Variants in TSNARE1 observed in about 807,000 individuals in gnomAD.
TSNARE1 encodes the protein t-SNARE domain-containing protein 1.
A neutral mutation model predicts 62.0 loss-of-function variants in TSNARE1; 49 were observed. That is an observed-to-expected ratio of 0.79 (90% CI 0.63 to 1.00). The LOEUF (loss-of-function observed/expected upper bound fraction) is 1.00, where lower values mean the gene tolerates loss of function less well. TSNARE1 is among the 50% of genes least tolerant of loss of function. The pLI is 0.00. For missense variants in TSNARE1, 755 were observed against 700.1 expected (o/e 1.08, Z -0.88); for synonymous variants, 328 against 294.4 (o/e 1.11, Z -1.17).
intron 2 of TSNARE1, among the ~76,000 whole-genome samples, chr8:142,351,440 A>G (rs1834080487): frequency 6.6e-6 from 1 of 152,230 alleles, no homozygotes; most frequent in South Asian, 2.1e-4. Flanking sequence ...AGATCTTTAC[A>G]GAGAAAGTTA....
chr8:142,384,017 A>G (rs1435366154), intron 1 of TSNARE1, among the ~76,000 whole-genome samples: 4 of 152,214 alleles, frequency 2.6e-5, no homozygotes, highest in Non-Finnish European at 4.4e-5. Flanking sequence ...GGTGCAGTGC[A>G]GCACCTGCAG....
intron 12 of TSNARE1, among the ~76,000 whole-genome samples, chr8:142,262,898 T>C (rs1056569107): frequency 6.6e-6 from 1 of 152,228 alleles, no homozygotes; most frequent in East Asian, 1.9e-4. Context: ...AACACACTTA[T>C]TGACTATGTA....
At chr8:142,401,847 G>C (rs1421196535) in intron 1 of TSNARE1, among the ~76,000 whole-genome samples, 3 of 152,190 alleles carry the variant, frequency 2.0e-5, no homozygotes, top group Non-Finnish European at 4.4e-5. Context: ...GCGGTCCTGT[G>C]ATGTATGGGG....
rs2090004800 is a variant in TSNARE1 at position 142,337,229 on chromosome 8, T to C, written c.746-5398A>G. On this transcript the variant is annotated intron_variant, in intron 4 of 13. Transcript: ENST00000524325. ...TTACATGGGAATAATACTGAGATGA[T>C]AAAATTATTCAGATCAAGATTAATT... Among the ~76,000 whole-genome samples the C allele has an allele frequency of 2.6e-5, 4 of 152,240 alleles. No homozygotes were observed. The South Asian group carries it at 8.3e-4, about 31-fold the overall frequency.
At chr8:142,271,381 C>T in intron 12 of TSNARE1, 1 of 1,227,386 alleles carries the variant, frequency 8.1e-7, no homozygotes, top group Non-Finnish European at 1.0e-6. Context: ...CCCAGGAGGA[C>T]AGCAGGGCGC....
chr8:142,251,425 C>T (rs1294718709), intron 12 of TSNARE1, among the ~76,000 whole-genome samples: 1 of 150,398 alleles, frequency 6.6e-6, no homozygotes, highest in Non-Finnish European at 1.5e-5. Context: ...GGCCCTGCTG[C>T]TCATGCCCCT....
intron 6 of TSNARE1, among the ~76,000 whole-genome samples, chr8:142,329,370 C>T (rs1830694990): frequency 6.6e-6 from 1 of 152,220 alleles, no homozygotes; most frequent in Admixed American, 6.5e-5. Context: ...AGGCCCACAG[C>T]GGGTGGTGTC....
intron 9 of TSNARE1, among the ~76,000 whole-genome samples, chr8:142,305,762 G>A (rs957115824): frequency 9.2e-5 from 14 of 152,322 alleles, no homozygotes; most frequent in African/African-American, 2.9e-4. Context: ...CAGAGGGGAC[G>A]GCCCTGTGAT....
At position 142,354,775 on chromosome 8, in the gene TSNARE1, A is replaced by T. The variant is rs369839294; in HGVS notation, c.-39-12T>A. 11 of 1,483,358 alleles carry T rather than the reference A, an allele frequency of 7.4e-6. No homozygotes were observed. The highest frequency in any genetic ancestry group is 1.7e-5 in the Admixed American group (1 of 59,528). 91.9% of individuals were successfully genotyped at this position (1,483,358 alleles called of 1,614,324 possible). The stretch of plus-strand genomic sequence containing the variant: ...GCCTCCACACTGAGCTGGAGGAAAC[A>T]CGAAAAGCAGGGGGAAGAGGGGGAA... On this transcript the variant is annotated splice_polypyrimidine_tract_variant and intron_variant, in intron 1 of 13. Coordinates refer to ENST00000524325, the MANE Select transcript of TSNARE1 (RefSeq NM_145003.5).
At chr8:142,359,016 C>T (rs73372228) in intron 1 of TSNARE1, among the ~76,000 whole-genome samples, 131 of 152,206 alleles carry the variant, frequency 8.6e-4, no homozygotes, top group African/African-American at 3.1e-3. Context: ...CTTGCTGCGC[C>T]CCTGCCCCAC....
intron 12 of TSNARE1, among the ~76,000 whole-genome samples, chr8:142,271,908 G>C (rs565480607): frequency 6.6e-6 from 1 of 152,130 alleles, no homozygotes; most frequent in Non-Finnish European, 1.5e-5. Context: ...TGCTGGGACT[G>C]AAGCCACAGC....
At chr8:142,402,375 C>A (rs1469997213) in intron 1 of TSNARE1, among the ~76,000 whole-genome samples, 1 of 152,230 alleles carries the variant, frequency 6.6e-6, no homozygotes, top group Non-Finnish European at 1.5e-5. Flanking sequence ...CACGGAGGAC[C>A]TGAATCCTTC....
At chr8:142,282,397 T>C (rs1821667997) in intron 11 of TSNARE1, among the ~76,000 whole-genome samples, 1 of 151,790 alleles carries the variant, frequency 6.6e-6, no homozygotes, top group African/African-American at 2.4e-5. Context: ...CGTCTGTCAA[T>C]GATCAGGGTG....
chr8:142,368,173 A>G (rs983078344), intron 1 of TSNARE1, among the ~76,000 whole-genome samples: 3 of 152,176 alleles, frequency 2.0e-5, no homozygotes, highest in African/African-American at 7.2e-5. Flanking sequence ...AAGACAACAG[A>G]CAAGCAGGGA....
At position 142,354,635 on chromosome 8, in the gene TSNARE1, A is replaced by T. The variant is rs1834552255; in HGVS notation, c.88+2T>A. 2 of 1,609,002 alleles carry T rather than the reference A, an allele frequency of 1.2e-6. No individual in the cohort carries two copies. Among genetic ancestry groups the T allele is most frequent in the African/African-American group, 1.3e-5 (1 of 74,404 alleles). On this transcript the variant is annotated splice_donor_variant, in intron 2 of 13. Transcript: ENST00000524325. LOFTEE classifies it high-confidence loss of function. ...GCCCCCACTTCCAGCTACTATCATT[A>T]CCTAGGGGCTGACAGCCTTGTCTCG...
At chr8:142,238,688 C>T (rs1037780595) in intron 12 of TSNARE1, among the ~76,000 whole-genome samples, 3 of 151,776 alleles carry the variant, frequency 2.0e-5, no homozygotes, top group Non-Finnish European at 4.4e-5. Context: ...CTGCACACTC[C>T]TGCTGCTCAC....
chr8:142,275,693 G>A (rs555337927), intron 11 of TSNARE1: 2 of 985,450 alleles, frequency 2.0e-6, no homozygotes, highest in Non-Finnish European at 2.4e-6. Flanking sequence ...CCTCCAATCA[G>A]GCAACTGGAG....
intron 12 of TSNARE1, among the ~76,000 whole-genome samples, chr8:142,233,772 G>A (rs1179084091): frequency 6.6e-6 from 1 of 152,176 alleles, no homozygotes; most frequent in East Asian, 1.9e-4. Context: ...CCCTCTGCCT[G>A]CTGGCTCTTC....
intron 7 of TSNARE1, among the ~76,000 whole-genome samples, chr8:142,317,724 G>C (rs1229689706): frequency 6.6e-6 from 1 of 152,184 alleles, no homozygotes; most frequent in Non-Finnish European, 1.5e-5. Flanking sequence ...TTGGGAGGCA[G>C]AGGTGGGAGG....
Sources: allele counts gnomAD v4.1 joint callset (sites outside exome capture counted in the v4.1 genomes callset), GRCh38; gene constraint gnomAD v4.1.1; transcripts MANE v1.5; gene names NCBI Gene and HGNC (gene_info 2026-07-23, HGNC 2026-07-21).